Variants in SEMA3D observed in about 807,000 individuals in gnomAD.
The protein encoded by SEMA3D is semaphorin-3D.
In SEMA3D, 84 loss-of-function variants were observed where a neutral mutation model predicts 100.1. The observed-to-expected ratio is 0.84, with a 90% confidence interval of 0.70 to 1.01. The LOEUF (loss-of-function observed/expected upper bound fraction) is 1.01, where lower values mean the gene tolerates loss of function less well. Ranked by LOEUF, SEMA3D falls within the 50% of genes least tolerant of loss-of-function variation. The pLI is 0.00. For missense variants in SEMA3D, 875 were observed against 934.1 expected, an observed-to-expected ratio of 0.94 and a Z score of 0.82; for synonymous variants, 312 against 320.7, an observed-to-expected ratio of 0.97 and a Z score of 0.29.
Position 84,999,724 on chromosome 7 carries a change from T to C in SEMA3D, c.2050A>G (p.Ile684Val). The change falls in exon 19 of 19, where the codon ATT becomes GTT. Residue 684 changes from isoleucine (I) to valine (V), a missense_variant. Coordinates refer to ENST00000284136, the MANE Select transcript of SEMA3D (RefSeq NM_001384900.1). ...GTATTTTCCATCTGTTCATTCTCAA[T>C]GACATTCAAAGTCAGCTTCACTATG... ...HTIVKLTLNV[I>V]ENEQMENTQR... 1.2e-6 allele frequency: 2 copies of C among 1,614,106 alleles called. No individual in the cohort carries two copies. Among genetic ancestry groups the C allele is most frequent in the South Asian group, 2.2e-5 (2 of 91,082 alleles).
In SEMA3D at chr7:85,015,190, A is replaced by G. The variant is rs781520825; in HGVS notation, c.1572T>C (p.Asp524=). 39 of 1,610,114 alleles carry G rather than the reference A, an allele frequency of 2.4e-5. No individual in the cohort carries two copies. Among genetic ancestry groups the G allele is most frequent in the Non-Finnish European group, 2.9e-5 (34 of 1,177,186 alleles). The change falls in exon 16 of 19, where the codon GAT becomes GAC. Residue 524 remains aspartate, a synonymous_variant. Transcript: ENST00000284136. ...KQQQLYIGSR[D]GLVQLSLHRC... ...TGTGCAAGGAGAGCTGAACCAATCC[A>G]TCTCGGGAACCAATGTACAATTGTT...
At chr7:85,183,061 C>G (rs1161799843) in intron 1 of SEMA3D, among the ~76,000 whole-genome samples, 1 of 152,042 alleles carries the variant, frequency 6.6e-6, no homozygotes, top group Admixed American at 6.6e-5. Flanking sequence ...ACAAACAACC[C>G]GAAGACATAA....
At chr7:85,187,907 C>T (rs957749045), upstream of SEMA3D, among the ~76,000 whole-genome samples, 1 of 152,136 alleles carries the variant, frequency 6.6e-6, no homozygotes. Flanking sequence ...CATGGTAAAT[C>T]CTTTGTGATG....
the SEMA3D span, among the ~76,000 whole-genome samples, chr7:85,228,775 G>GAA: frequency 3.9e-5 from 6 of 151,914 alleles, no homozygotes; most frequent in Non-Finnish European, 7.4e-5. Flanking sequence ...AGAGAATTAT[G>GAA]AAAAAGACAT....
intron 1 of SEMA3D, among the ~76,000 whole-genome samples, chr7:85,184,804 T>C (rs1791496273): frequency 6.6e-6 from 1 of 152,200 alleles, no homozygotes; most frequent in Admixed American, 6.5e-5. Context: ...CCCATCTCCC[T>C]GACCAGGGCC....
At chr7:85,211,746 C>T in the SEMA3D span, among the ~76,000 whole-genome samples, 2 of 152,008 alleles carry the variant, frequency 1.3e-5, no homozygotes. Context: ...CTTCCTCCTC[C>T]TCAGCCTACT....
intron 18 of SEMA3D, among the ~76,000 whole-genome samples, chr7:85,006,289 T>C (rs1293082905): frequency 6.6e-6 from 1 of 152,036 alleles, no homozygotes; most frequent in Non-Finnish European, 1.5e-5. Flanking sequence ...AGATATGCAG[T>C]TCTGAATCCT....
chr7:85,180,276 T>A (rs1403355730), intron 1 of SEMA3D, among the ~76,000 whole-genome samples: 1 of 152,198 alleles, frequency 6.6e-6, no homozygotes, highest in Non-Finnish European at 1.5e-5. Context: ...CTCTTTCCCC[T>A]GCACTTCTCT....
At chr7:85,052,963 G>C (rs950355706) in intron 9 of SEMA3D, among the ~76,000 whole-genome samples, 2 of 151,770 alleles carry the variant, frequency 1.3e-5, no homozygotes, top group African/African-American at 4.8e-5. Context: ...ATACTACTTA[G>C]TCTAATAGTA....
chr7:85,055,645 CATATATATATATATATATATAT>C lies in SEMA3D; in HGVS notation c.861+50_861+71del, dbSNP rs56131427. 446 of 159,792 alleles carry C rather than the reference CATATATATATATATATATATAT, an allele frequency of 2.8e-3. 6 individuals carry two copies. Among genetic ancestry groups the C allele is most frequent in the African/African-American group, 0.011 (343 of 31,072 alleles). 9.9% of individuals were successfully genotyped at this position (159,792 alleles called of 1,614,324 possible). A position where few individuals can be genotyped will look rare whatever the true frequency, so the allele number is the denominator to read the frequency against. ...AACCTTGCCAAAGTTTTTTCATATACATATATATATATATATATATATATATATATATATATATATGTTTTAA... is the reference window on the plus strand; with the variant it reads ...AACCTTGCCAAAGTTTTTTCATATACATATATATATATATATATGTTTTAA... On this transcript the variant is annotated intron_variant, in intron 9 of 18. Transcript: ENST00000284136.
rs770739903 is a variant in SEMA3D, at chr7:84,999,533, G to GC, written c.2240dup (p.Trp750ValfsTer21). ...TTTCCTGCATGTGCTTCCACTTTGG[G>GC]CCCCCCTTGTTTCTCTGTCTCCGCT... On this transcript the variant is annotated frameshift_variant, in exon 19 of 19. Coordinates refer to ENST00000284136, the MANE Select transcript of SEMA3D (RefSeq NM_001384900.1). LOFTEE classifies it high-confidence loss of function. The GC allele has an allele frequency of 6.2e-7, 1 of 1,613,922 alleles. No individual in the cohort carries two copies. Among genetic ancestry groups the GC allele is most frequent in the African/African-American group, 1.3e-5 (1 of 74,980 alleles).
chr7:85,105,850 G>A (rs1378222187), intron 3 of SEMA3D, among the ~76,000 whole-genome samples: 1 of 151,988 alleles, frequency 6.6e-6, no homozygotes, highest in Admixed American at 6.6e-5. Context: ...TATGTCATGG[G>A]GTCTGTGTTC....
At chr7:85,037,168 T>G in intron 11 of SEMA3D, 135 bp from the exon 12 acceptor site, 1 of 702,594 alleles carries the variant, frequency 1.4e-6, no homozygotes, top group Non-Finnish European at 2.3e-6. Context: ...GTAGACACAA[T>G]GTGCCTACGT....
At position 85,074,057 on chromosome 7, in the gene SEMA3D, A is replaced by G. The variant is rs560677374; in HGVS notation, c.376-976T>C. ...CCTGCAAGTGATACTCTATCTTTAC[A>G]TAAATGTTACATGCAATTTCTTAAC... On this transcript the variant is annotated intron_variant, in intron 5 of 18. Transcript: ENST00000284136. 2.0e-5 allele frequency among the ~76,000 whole-genome samples: 3 copies of G among 152,294 alleles called. No homozygotes were observed. In the South Asian group the frequency reaches 6.2e-4, roughly 32 times the overall value.
intron 3 of SEMA3D, among the ~76,000 whole-genome samples, chr7:85,116,937 C>T (rs185836287): frequency 2.0e-4 from 30 of 152,200 alleles, no homozygotes; most frequent in Admixed American, 1.5e-3. Context: ...TTGTGTTTTA[C>T]AGTGATATAC....
intron 14 of SEMA3D, 85 bp downstream of exon 14, chr7:85,020,145 CTGA>C: frequency 1.2e-6 from 1 of 821,392 alleles, no homozygotes; most frequent in East Asian, 2.6e-5. Context: ...TTCAGGTAAC[CTGA>C]TGATGTATTA....
At chr7:85,005,639 G>T (rs1339482940) in intron 18 of SEMA3D, among the ~76,000 whole-genome samples, 1 of 151,836 alleles carries the variant, frequency 6.6e-6, no homozygotes, top group Non-Finnish European at 1.5e-5. Flanking sequence ...TTACTTGAAG[G>T]TTTCTTAACC....
intron 6 of SEMA3D, among the ~76,000 whole-genome samples, chr7:85,072,284 A>G (rs554290206): frequency 1.2e-4 from 18 of 152,218 alleles, no homozygotes; most frequent in Non-Finnish European, 2.4e-4. Flanking sequence ...CATTATGCCA[A>G]TTTGGTCCAG....
chr7:85,212,609 T>C, the SEMA3D span, among the ~76,000 whole-genome samples: 1 of 151,984 alleles, frequency 6.6e-6, no homozygotes, highest in Non-Finnish European at 1.5e-5. Flanking sequence ...TATCATTAGA[T>C]GTGAGAAAAA....
Sources: allele counts gnomAD v4.1 joint callset (sites outside exome capture counted in the v4.1 genomes callset), GRCh38; gene constraint gnomAD v4.1.1; transcripts MANE v1.5; gene names NCBI Gene and HGNC (gene_info 2026-07-23, HGNC 2026-07-21).